The following EHBP1 variants were observed in gnomAD, a reference collection of about 807,000 sequenced individuals.
The protein encoded by EHBP1 is EH domain binding protein 1.
A neutral mutation model predicts 144.0 loss-of-function variants in EHBP1; 55 were observed. The ratio of observed to expected loss-of-function variants is 0.38; its 90% CI spans 0.31 to 0.48. The LOEUF is 0.48. Ranked by LOEUF, EHBP1 falls within the 20% of genes least tolerant of loss-of-function variation. The probability of loss-of-function intolerance (pLI) is 0.98; values close to 1 mark genes in which losing one functional copy is unlikely to be tolerated. For missense variants in EHBP1, 1,200 were observed against 1,364.2 expected, an observed-to-expected ratio of 0.88 and a Z score of 1.90; for synonymous variants, 469 against 472.7, an observed-to-expected ratio of 0.99 and a Z score of 0.10.
At position 62,815,327 on chromosome 2, in the gene EHBP1, C is replaced by G. The variant is rs554980946; in HGVS notation, c.313-10760C>G. Among the ~76,000 whole-genome samples, 143 of 152,294 alleles carry G rather than the reference C, an allele frequency of 9.4e-4. 3 individuals carry two copies. In the South Asian group the frequency reaches 0.029, roughly 31 times the overall value. ...ACTTCTATTCTTAGCATTAGTTGGT[C>G]AAGGCAGTATCACCCTTGAAAATTT... On this transcript the variant is annotated intron_variant, in intron 5 of 22. Coordinates refer to ENST00000431489, the MANE Select transcript of EHBP1 (RefSeq NM_001142616.3).
At chr2:62,841,776 A>G (rs1358063019) in intron 7 of EHBP1, among the ~76,000 whole-genome samples, 2 of 134,920 alleles carry the variant, frequency 1.5e-5, no homozygotes, top group East Asian at 2.1e-4. Flanking sequence ...TTTCTTTCTT[A>G]TTTTGGTTAT....
intron 19 of EHBP1, among the ~76,000 whole-genome samples, chr2:63,004,334 T>C (rs1420035358): frequency 6.6e-6 from 1 of 152,028 alleles, no homozygotes; most frequent in Non-Finnish European, 1.5e-5. Flanking sequence ...CTTATGGAAG[T>C]GTAAGTTCTT....
At chr2:62,715,591 A>G (rs969180742) in intron 2 of EHBP1, among the ~76,000 whole-genome samples, 1 of 152,096 alleles carries the variant, frequency 6.6e-6, no homozygotes, top group Non-Finnish European at 1.5e-5. Context: ...TCAATGTAAT[A>G]TGAGGGGAAT....
At chr2:62,764,425 T>G in intron 4 of EHBP1, 64 bp downstream of exon 4, 1 of 1,281,082 alleles carries the variant, frequency 7.8e-7, no homozygotes, top group Non-Finnish European at 1.1e-6. Context: ...TGACAGAATA[T>G]TTCAGTGTTC....
At chr2:62,836,264 G>T (rs1173516686) in intron 7 of EHBP1, among the ~76,000 whole-genome samples, 1 of 151,944 alleles carries the variant, frequency 6.6e-6, no homozygotes. Flanking sequence ...CATTCCAACA[G>T]ACCTGCAGCT....
At chr2:62,915,057 T>G (rs756807790) in intron 10 of EHBP1, among the ~76,000 whole-genome samples, 1 of 152,056 alleles carries the variant, frequency 6.6e-6, no homozygotes, top group Non-Finnish European at 1.5e-5. Context: ...AAATGTGCCT[T>G]CCCCATAGTT....
At chr2:63,043,907 A>G (rs1163001326) in intron 21 of EHBP1, 1 of 91,814 alleles carries the variant, frequency 1.1e-5, no homozygotes, top group Admixed American at 1.7e-4. Flanking sequence ...TGCAGGAGTC[A>G]GTGGCCATGG....
chr2:62,967,875 C>CT (rs796766084), intron 14 of EHBP1, among the ~76,000 whole-genome samples: 50 of 149,202 alleles, frequency 3.4e-4, no homozygotes, highest in Admixed American at 9.4e-4. Context: ...AATATTACTT[C>CT]TTTTTTTTTT....
In EHBP1 at chr2:62,757,585, C is replaced by T. The variant is rs182484730; in HGVS notation, c.163-6681C>T. Among the ~76,000 whole-genome samples the T allele has an allele frequency of 4.8e-4, 73 of 151,770 alleles. 1 individual carries two copies. Among genetic ancestry groups the T allele is most frequent in the African/African-American group, 1.6e-3 (67 of 41,408 alleles). On this transcript the variant is annotated intron_variant, in intron 3 of 22. Coordinates refer to ENST00000431489, the MANE Select transcript of EHBP1 (RefSeq NM_001142616.3). ...AGTAGCTGGGATTACAGACATACGC[C>T]ACAATTCCCGGCAAATTTTTGTGTT...
In EHBP1 at chr2:62,864,847, G is replaced by A. The variant is rs749250656; in HGVS notation, c.874G>A (p.Glu292Lys). The stretch of plus-strand genomic sequence containing the variant: ...GTATTTGAACCCATTCGATGAGCCA[G>A]AAGCATTTGTGACCATAAAGGATTC... ...PQYLNPFDEPEAFVTIKDSPP... is the reference protein window; with the variant it reads ...PQYLNPFDEPKAFVTIKDSPP... Residue 292 changes from glutamate to lysine, a missense_variant, in exon 9 of 23, where the codon GAA (glutamate) becomes AAA (lysine). Transcript: ENST00000431489. The A allele has an allele frequency of 1.2e-6, 2 of 1,614,070 alleles. No individual in the cohort carries two copies. The highest frequency in any genetic ancestry group is 4.5e-5 in the East Asian group (2 of 44,840).
chr2:62,965,212 A>C (rs1367941948), intron 14 of EHBP1, among the ~76,000 whole-genome samples: 1 of 152,124 alleles, frequency 6.6e-6, no homozygotes, highest in East Asian at 1.9e-4. Flanking sequence ...TCCCCTTTCT[A>C]AAAGGGGGTT....
At chr2:62,799,990 A>G (rs974723921) in intron 5 of EHBP1, among the ~76,000 whole-genome samples, 1 of 152,242 alleles carries the variant, frequency 6.6e-6, no homozygotes. Flanking sequence ...CTCGTGGTAG[A>G]AAGCAAAGGT....
chr2:62,751,331 A>G (rs1311266864), intron 3 of EHBP1, among the ~76,000 whole-genome samples: 1 of 152,188 alleles, frequency 6.6e-6, no homozygotes, highest in East Asian at 1.9e-4. Flanking sequence ...CCAGGGATGA[A>G]GCCCACTTGA....
chr2:62,751,987 G>T (rs1212450844), intron 3 of EHBP1, among the ~76,000 whole-genome samples: 1 of 151,472 alleles, frequency 6.6e-6, no homozygotes, highest in Non-Finnish European at 1.5e-5. Flanking sequence ...ATCTCCTTCA[G>T]TTCTTCTCTG....
chr2:62,855,163 T>G (rs1028958977), intron 7 of EHBP1, among the ~76,000 whole-genome samples: 4 of 152,216 alleles, frequency 2.6e-5, no homozygotes, highest in African/African-American at 7.2e-5. Context: ...GCCTCAGAAG[T>G]GCCTGCTTCT....
intron 21 of EHBP1, among the ~76,000 whole-genome samples, chr2:63,040,476 T>C (rs1465352220): frequency 6.6e-6 from 1 of 152,168 alleles, no homozygotes; most frequent in Non-Finnish European, 1.5e-5. Flanking sequence ...CAGTGTTAAA[T>C]AATCGAATAT....
intron 3 of EHBP1, among the ~76,000 whole-genome samples, chr2:62,753,589 G>C (rs541717794): frequency 4.6e-5 from 7 of 152,196 alleles, no homozygotes; most frequent in East Asian, 1.9e-4. Context: ...TAATATCCTG[G>C]AGAGTGTTTT....
intron 10 of EHBP1, among the ~76,000 whole-genome samples, chr2:62,925,887 GA>G (rs2055467566): frequency 1.3e-5 from 2 of 151,978 alleles, no homozygotes; most frequent in Non-Finnish European, 2.9e-5. Context: ...ATTCTTCACA[GA>G]AATAGAAAAT....
chr2:62,873,500 A>G (rs2050645868), intron 9 of EHBP1, among the ~76,000 whole-genome samples: 1 of 152,156 alleles, frequency 6.6e-6, no homozygotes, highest in East Asian at 1.9e-4. Flanking sequence ...GTTGTTCAAC[A>G]TATATCTAAT....
Sources: allele counts gnomAD v4.1 joint callset (sites outside exome capture counted in the v4.1 genomes callset), GRCh38; gene constraint gnomAD v4.1.1; transcripts MANE v1.5; gene names NCBI Gene and HGNC (gene_info 2026-07-23, HGNC 2026-07-21).